Variants in NRXN3 observed in about 807,000 individuals in gnomAD.
NRXN3 encodes the protein neurexin 3.
NRXN3 carries 32 observed loss-of-function variants against 137.6 expected under a neutral mutation model. That is an observed-to-expected ratio of 0.23 (90% CI 0.18 to 0.31). The LOEUF (loss-of-function observed/expected upper bound fraction) is 0.31. Among genes scored for constraint, NRXN3 ranks in the 10% least tolerant of loss-of-function variants. NRXN3 has a pLI of 1.00. For missense variants in NRXN3, 1,574 were observed against 2,062.5 expected (o/e 0.76, Z 4.59); for synonymous variants, 798 against 784.5 (o/e 1.02, Z -0.29).
intron 2 of NRXN3, among the ~76,000 whole-genome samples, chr14:78,263,515 C>T (rs567926887): frequency 1.3e-5 from 2 of 152,222 alleles, no homozygotes; most frequent in East Asian, 1.9e-4. Context: ...GCAAACAGTA[C>T]GGGGGTCATA....
intron 15 of NRXN3, among the ~76,000 whole-genome samples, chr14:79,117,731 G>C (rs543500821): frequency 1.3e-5 from 2 of 152,300 alleles, no homozygotes; most frequent in African/African-American, 4.8e-5. Context: ...GTCTCTTCCA[G>C]CATTTGTCAG....
intron 16 of NRXN3, among the ~76,000 whole-genome samples, chr14:79,495,415 C>G (rs1420935748): frequency 6.6e-6 from 1 of 152,084 alleles, no homozygotes; most frequent in African/African-American, 2.4e-5. Context: ...GGGAACTCTT[C>G]TTTCTTTCTA....
intron 4 of NRXN3, among the ~76,000 whole-genome samples, chr14:78,642,810 A>G (rs61976141): frequency 2.6e-5 from 4 of 152,080 alleles, no homozygotes; most frequent in Admixed American, 1.3e-4. Flanking sequence ...AGTGGATAGA[A>G]CTACTTCAAA....
intron 2 of NRXN3, among the ~76,000 whole-genome samples, chr14:78,269,898 A>G (rs1285142027): frequency 6.6e-6 from 1 of 152,186 alleles, no homozygotes; most frequent in Non-Finnish European, 1.5e-5. Flanking sequence ...AAGAGGGCAG[A>G]TCCTCTGTCT....
intron 20 of NRXN3, among the ~76,000 whole-genome samples, chr14:79,815,003 T>C (rs1461633217): frequency 6.6e-6 from 1 of 152,252 alleles, no homozygotes; most frequent in Non-Finnish European, 1.5e-5. Context: ...TTTTTATTTT[T>C]TAATTCATGG....
chr14:78,794,029 C>A (rs1019015874), intron 8 of NRXN3, among the ~76,000 whole-genome samples: 10 of 152,100 alleles, frequency 6.6e-5, no homozygotes, highest in African/African-American at 2.4e-4. Context: ...GAATAATGTT[C>A]TCATTTTTCA....
intron 3 of NRXN3, 136 bp from the exon 4 acceptor site, chr14:78,297,695 C>T (rs978273475): frequency 2.2e-5 from 15 of 680,966 alleles, no homozygotes; most frequent in African/African-American, 1.2e-4. Flanking sequence ...TGTGAGCAAG[C>T]GTGCGGCCCC....
At chr14:78,580,476 A>T (rs1329606600) in intron 4 of NRXN3, among the ~76,000 whole-genome samples, 1 of 152,012 alleles carries the variant, frequency 6.6e-6, no homozygotes, top group Non-Finnish European at 1.5e-5. Flanking sequence ...TTCATCTCCA[A>T]CTCAAGGGTG....
chr14:78,635,337 TG>T (rs2097558297), intron 4 of NRXN3, among the ~76,000 whole-genome samples: 1 of 152,218 alleles, frequency 6.6e-6, no homozygotes, highest in Admixed American at 6.5e-5. Flanking sequence ...TCTAAATATC[TG>T]TATGAGTTTT....
At chr14:78,958,353 C>T (rs960318309) in intron 11 of NRXN3, among the ~76,000 whole-genome samples, 2 of 148,470 alleles carry the variant, frequency 1.3e-5, no homozygotes, top group Admixed American at 1.3e-4. Flanking sequence ...TCTTTTTTTT[C>T]TTTCTTTCTT....
At chr14:78,236,029 G>C (rs984556) in intron 1 of NRXN3, among the ~76,000 whole-genome samples, 19,473 of 152,222 alleles carry the variant, frequency 0.13, 1,315 homozygotes, top group East Asian at 0.22. Context: ...ACAGGAACTA[G>C]TAATAATTTT....
chr14:78,225,450 TG>T (rs1232312942), intron 1 of NRXN3, among the ~76,000 whole-genome samples: 3 of 152,298 alleles, frequency 2.0e-5, no homozygotes, highest in South Asian at 2.1e-4. Flanking sequence ...TGGGGTTGTT[TG>T]TTTTTTTCTT....
chr14:79,442,549 A>G (rs1021713991), intron 15 of NRXN3, among the ~76,000 whole-genome samples: 43 of 152,322 alleles, frequency 2.8e-4, no homozygotes, highest in South Asian at 4.1e-4. Context: ...GGTTTCTGCT[A>G]CACAGCAGGG....
intron 17 of NRXN3, among the ~76,000 whole-genome samples, chr14:79,668,050 G>A (rs977482664): frequency 6.6e-6 from 1 of 152,004 alleles, no homozygotes; most frequent in Non-Finnish European, 1.5e-5. Flanking sequence ...GCTGAGGAGA[G>A]CAGGGCATAC....
At chr14:79,570,574 T>C (rs1168995132) in intron 16 of NRXN3, 1 of 152,208 alleles carries the variant, frequency 6.6e-6, no homozygotes, top group African/African-American at 2.4e-5. Context: ...TGCAAGGCTG[T>C]TCAGACCCAG....
rs2153695458 is a variant in NRXN3, at chr14:79,515,671, T to G, written c.3444+48269T>G. On this transcript the variant is annotated intron_variant, in intron 16 of 20. Coordinates refer to ENST00000335750, the MANE Select transcript of NRXN3 (RefSeq NM_001330195.2). Reference sequence around the variant, plus strand: ...TTCCTTTTCTTCTTTTTCTTCTTATTTTGATTTTGTTTTACTTTATGGAAT... The same window carrying G: ...TTCCTTTTCTTCTTTTTCTTCTTATGTTGATTTTGTTTTACTTTATGGAAT... 2.6e-5 allele frequency among the ~76,000 whole-genome samples: 4 copies of G among 152,258 alleles called. No homozygotes were observed. The South Asian group carries it at 8.3e-4, about 32-fold the overall frequency.
At chr14:78,498,181 T>C (rs1223477124) in intron 4 of NRXN3, among the ~76,000 whole-genome samples, 1 of 152,196 alleles carries the variant, frequency 6.6e-6, no homozygotes, top group African/African-American at 2.4e-5. Flanking sequence ...TTGAAAAGTG[T>C]TCAGTGTGTC....
chr14:78,656,123 C>T (rs1049231130), intron 6 of NRXN3, among the ~76,000 whole-genome samples: 2 of 152,056 alleles, frequency 1.3e-5, no homozygotes, highest in Non-Finnish European at 1.5e-5. Context: ...CAATATATCC[C>T]CCAAACCTAT....
intron 4 of NRXN3, among the ~76,000 whole-genome samples, chr14:78,585,979 A>G (rs2152383125): frequency 6.6e-6 from 1 of 152,328 alleles, no homozygotes; most frequent in East Asian, 1.9e-4. Flanking sequence ...AATTGAGTGT[A>G]GCTAGTGGGG....
Sources: gnomAD v4.1 joint callset for allele counts (sites outside exome capture counted in the v4.1 genomes callset) on GRCh38, gnomAD v4.1.1 for gene constraint, MANE v1.5 for transcripts, NCBI Gene and HGNC (gene_info 2026-07-23, HGNC 2026-07-21) for gene names.